Variants in KCNIP4 observed in about 807,000 individuals in gnomAD.
KCNIP4 encodes the protein potassium voltage-gated channel interacting protein 4.
Under a neutral mutation model 34.0 loss-of-function variants are expected in KCNIP4, and 12 were observed. That is an observed-to-expected ratio of 0.35 (90% CI 0.23 to 0.57). The LOEUF is 0.57. Among genes scored for constraint, KCNIP4 ranks in the 20% least tolerant of loss-of-function variants. KCNIP4 has a pLI of 0.83. For synonymous variants in KCNIP4, 124 were observed against 102.2 expected (o/e 1.21, Z -1.29); for missense variants, 238 against 311.7 (o/e 0.76, Z 1.78).
At chr4:21,513,857 T>C (rs1326044295) in intron 1 of KCNIP4, among the ~76,000 whole-genome samples, 2 of 152,214 alleles carry the variant, frequency 1.3e-5, no homozygotes, top group Non-Finnish European at 2.9e-5. Context: ...TAGTCCACTC[T>C]GTTGGGTCTA....
At position 21,117,312 on chromosome 4, in the gene KCNIP4, G is replaced by C. The variant is rs930309322; in HGVS notation, c.62-234603C>G. 2.7e-4 allele frequency among the ~76,000 whole-genome samples: 35 copies of C among 131,390 alleles called. 4 individuals are homozygous for C. Among genetic ancestry groups the C allele is most frequent in the South Asian group, 6.3e-4 (2 of 3,154 alleles). 86.2% of individuals were successfully genotyped at this position (131,390 alleles called of 152,430 possible). ...TGGCCGGGGTTGCCGGGGGGGGGGG[G>C]GGGGGGGCGCTGTTTTTCATCTTCC... is the stretch of plus-strand genomic sequence containing the variant. On this transcript the variant is annotated intron_variant, in intron 1 of 8. Coordinates refer to ENST00000382152, the MANE Select transcript of KCNIP4 (RefSeq NM_025221.6).
intron 1 of KCNIP4, among the ~76,000 whole-genome samples, chr4:21,524,052 A>G (rs542599154): frequency 6.6e-6 from 1 of 152,200 alleles, no homozygotes. Flanking sequence ...CAGGTTTGGT[A>G]TGAGTCTGAG....
chr4:21,175,973 T>C (rs114772348), intron 1 of KCNIP4, among the ~76,000 whole-genome samples: 3,384 of 152,156 alleles, frequency 0.022, 142 homozygotes, highest in African/African-American at 0.077. Flanking sequence ...TTTAGAGTTG[T>C]GTTCACCCTT....
chr4:21,526,396 C>T (rs1735978294), intron 1 of KCNIP4, among the ~76,000 whole-genome samples: 1 of 152,086 alleles, frequency 6.6e-6, no homozygotes, highest in South Asian at 2.1e-4. Flanking sequence ...CCATGTGGAA[C>T]TGGGAATCCA....
intron 1 of KCNIP4, among the ~76,000 whole-genome samples, chr4:21,694,301 G>T (rs550761408): frequency 1.3e-5 from 2 of 152,194 alleles, no homozygotes; most frequent in South Asian, 4.2e-4. Context: ...AATTGAATAT[G>T]ATATGGTACA....
At chr4:21,373,304 T>C (rs1430774313) in intron 1 of KCNIP4, among the ~76,000 whole-genome samples, 3 of 146,566 alleles carry the variant, frequency 2.0e-5, no homozygotes, top group South Asian at 2.1e-4. Flanking sequence ...GCCTGGGTAA[T>C]ACATAATCTG....
At chr4:21,083,049 G>C (rs1305399428) in intron 1 of KCNIP4, among the ~76,000 whole-genome samples, 1 of 151,772 alleles carries the variant, frequency 6.6e-6, no homozygotes, top group Non-Finnish European at 1.5e-5. Flanking sequence ...GGGTTTGGAT[G>C]CAGGTCTCTT....
At chr4:21,815,443 C>CG (rs1157446923) in intron 1 of KCNIP4, among the ~76,000 whole-genome samples, 1 of 151,968 alleles carries the variant, frequency 6.6e-6, no homozygotes, top group Admixed American at 6.6e-5. Context: ...CATCATCACT[C>CG]TTAGTACGAT....
chr4:20,763,446 T>A lies in KCNIP4; in HGVS notation c.289-4556A>T, dbSNP rs146087283. On this transcript the variant is annotated intron_variant, in intron 3 of 8. Transcript: ENST00000382152. The stretch of plus-strand genomic sequence containing the variant: ...GCCAACAGTCTCTGTGACTGTGTCA[T>A]CCAGAAGGAGGAAAAGAACGCTGAA... 2.3e-3 allele frequency among the ~76,000 whole-genome samples: 345 copies of A among 152,272 alleles called. 7 individuals carry two copies. The South Asian group carries it at 0.044, about 19-fold the overall frequency.
chr4:21,054,236 A>C lies in KCNIP4; in HGVS notation c.62-171527T>G, dbSNP rs563271110. On this transcript the variant is annotated intron_variant, in intron 1 of 8. Transcript: ENST00000382152. ...ACTATAATTAAGACAATAAACAAAGAGGCTGGGCATGCTGGCTCACGTCTA... is the reference window on the plus strand; with the variant it reads ...ACTATAATTAAGACAATAAACAAAGCGGCTGGGCATGCTGGCTCACGTCTA... Among the ~76,000 whole-genome samples the C allele has an allele frequency of 2.0e-4, 31 of 152,170 alleles. 1 individual carries two copies. In the South Asian group the frequency reaches 6.4e-3, roughly 32 times the overall value.
intron 1 of KCNIP4, among the ~76,000 whole-genome samples, chr4:21,548,149 C>T (rs1280855665): frequency 6.6e-6 from 1 of 152,180 alleles, no homozygotes; most frequent in African/African-American, 2.4e-5. Flanking sequence ...AGCAGTGTCA[C>T]CAGAATACCT....
intron 1 of KCNIP4, among the ~76,000 whole-genome samples, chr4:21,653,767 G>A (rs1747695178): frequency 6.6e-6 from 1 of 152,140 alleles, no homozygotes; most frequent in Non-Finnish European, 1.5e-5. Context: ...GCACAGTAAA[G>A]GATTAGTTAC....
chr4:21,431,651 C>T (rs1378909448), intron 1 of KCNIP4, among the ~76,000 whole-genome samples: 1 of 151,824 alleles, frequency 6.6e-6, no homozygotes, highest in Admixed American at 6.6e-5. Flanking sequence ...CATGAGTTAG[C>T]ACTAAAATGA....
intron 1 of KCNIP4, among the ~76,000 whole-genome samples, chr4:21,943,964 T>C (rs1046339551): frequency 2.6e-5 from 4 of 152,046 alleles, no homozygotes; most frequent in African/African-American, 7.2e-5. Context: ...TGCTTTTTTT[T>C]TTTTTTAACA....
chr4:20,910,494 T>C (rs762893649), intron 1 of KCNIP4, among the ~76,000 whole-genome samples: 9 of 152,156 alleles, frequency 5.9e-5, no homozygotes, highest in African/African-American at 1.4e-4. Flanking sequence ...AAGTGAAACA[T>C]GGGGCTGAAC....
intron 1 of KCNIP4, among the ~76,000 whole-genome samples, chr4:21,886,917 C>T (rs761398212): frequency 1.3e-4 from 19 of 151,936 alleles, no homozygotes; most frequent in Non-Finnish European, 2.8e-4. Flanking sequence ...AGAGTGTGAG[C>T]GTTCATTTGA....
intron 1 of KCNIP4, among the ~76,000 whole-genome samples, chr4:21,257,660 G>A (rs1378384320): frequency 6.6e-6 from 1 of 151,412 alleles, no homozygotes; most frequent in Non-Finnish European, 1.5e-5. Context: ...TGAGACAGAA[G>A]AATTGCTTGA....
chr4:20,745,394 A>T (rs1268061398), intron 5 of KCNIP4, among the ~76,000 whole-genome samples: 3 of 152,174 alleles, frequency 2.0e-5, no homozygotes, highest in African/African-American at 4.8e-5. Flanking sequence ...TGATATCAGT[A>T]AAGAGTTACT....
At position 21,370,090 on chromosome 4, in the gene KCNIP4, G is replaced by A. The variant is rs535641952; in HGVS notation, c.62-487381C>T. On this transcript the variant is annotated intron_variant, in intron 1 of 8. Coordinates refer to ENST00000382152, the MANE Select transcript of KCNIP4 (RefSeq NM_025221.6). ...GATCCTCCCACCTCGGCCTCCCGAA[G>A]TGCTGGGATTACAGGCTTGAGCCAC... Among the ~76,000 whole-genome samples the A allele has an allele frequency of 4.1e-5, 6 of 147,568 alleles. 1 individual carries two copies. Among genetic ancestry groups the A allele is most frequent in the African/African-American group, 1.3e-4 (5 of 37,156 alleles).
Sources: allele counts gnomAD v4.1 joint callset (sites outside exome capture counted in the v4.1 genomes callset), GRCh38; gene constraint gnomAD v4.1.1; transcripts MANE v1.5; gene names NCBI Gene and HGNC (gene_info 2026-07-23, HGNC 2026-07-21).